The following FARSB variants were observed in gnomAD, a reference collection of about 807,000 sequenced individuals.
FARSB encodes phenylalanyl-tRNA synthetase subunit beta, also known as phenylalanine--tRNA ligase beta subunit.
Under a neutral mutation model 69.6 loss-of-function variants are expected in FARSB, and 40 were observed. The observed-to-expected ratio is 0.57, with a 90% confidence interval of 0.45 to 0.75. The LOEUF (loss-of-function observed/expected upper bound fraction) is 0.75, where lower values mean the gene tolerates loss of function less well. FARSB is among the 30% of genes least tolerant of loss of function. The pLI is 0.00. For synonymous variants in FARSB, 235 were observed against 247.2 expected (o/e 0.95, Z 0.46); for missense variants, 632 against 722.9 (o/e 0.87, Z 1.44).
chr2:222,636,684 T>G (rs766298127), intron 5 of FARSB, among the ~76,000 whole-genome samples: 1 of 152,228 alleles, frequency 6.6e-6, no homozygotes, highest in Non-Finnish European at 1.5e-5. Context: ...CTTGCTATAA[T>G]AGAGCAGCAA....
At position 222,571,215 on chromosome 2, in the gene FARSB, G is replaced by T. The variant is rs1689710212; in HGVS notation, c.*656C>A. ...CTTGTCCATTTTAACTCTTACAGCA[G>T]AACAGATCTTTGTTGCATGTACTCT... On this transcript the variant is annotated 3_prime_UTR_variant, in exon 17 of 17. Coordinates refer to ENST00000281828, the MANE Select transcript of FARSB (RefSeq NM_005687.5). The T allele has an allele frequency of 6.6e-6, 1 of 152,180 alleles. No homozygotes were observed. Among genetic ancestry groups the T allele is most frequent in the Non-Finnish European group, 1.5e-5 (1 of 68,026 alleles). 9.4% of individuals were successfully genotyped at this position (152,180 alleles called of 1,614,324 possible).
intron 16 of FARSB, among the ~76,000 whole-genome samples, chr2:222,594,932 G>A (rs1399135348): frequency 6.6e-6 from 1 of 152,198 alleles, no homozygotes; most frequent in African/African-American, 2.4e-5. Context: ...AACAGTGCCT[G>A]TGTTATACCA....
In FARSB at chr2:222,629,007, C is replaced by T. The variant is rs575404806; in HGVS notation, c.849-119G>A. 129 of 712,132 alleles carry T rather than the reference C, an allele frequency of 1.8e-4. No homozygotes were observed. The African/African-American group carries it at 2.1e-3, about 11-fold the overall frequency. 44.1% of individuals were successfully genotyped at this position (712,132 alleles called of 1,614,324 possible). ...CAACTACAGCCTCAACATACTCCAT[C>T]TATCGCATTCCAGCACTGTTTGGAT... is the stretch of plus-strand genomic sequence containing the variant. On this transcript the variant is annotated intron_variant, in intron 9 of 16. Coordinates refer to ENST00000281828, the MANE Select transcript of FARSB (RefSeq NM_005687.5).
chr2:222,642,553 T>C (rs1691749228), intron 3 of FARSB, among the ~76,000 whole-genome samples: 1 of 152,180 alleles, frequency 6.6e-6, no homozygotes. Flanking sequence ...TCCAATTAGA[T>C]CACGGAGGGG....
rs1463607520 is a variant in FARSB at position 222,624,747 on chromosome 2, C to T, written c.929G>A (p.Arg310Lys). The change falls in exon 11 of 17, where the codon AGA (arginine) becomes AAA (lysine). Residue 310 changes from arginine (R) to lysine (K), a missense_variant. By Grantham distance (26) the Arg-to-Lys change is conservative (BLOSUM62 2). Coordinates refer to ENST00000281828, the MANE Select transcript of FARSB (RefSeq NM_005687.5). ...PELAYRKEMV[R>K]ADLINKKVGI... The stretch of plus-strand genomic sequence containing the variant: ...AACTTTTTTGTTAATTAGGTCAGCT[C>T]TCACCATCTCCTTTCGGTAAGCTAA... 1 of 1,605,488 alleles carries T rather than the reference C, an allele frequency of 6.2e-7. No individual in the cohort carries two copies. The highest frequency in any genetic ancestry group is 8.5e-7 in the Non-Finnish European group (1 of 1,175,080).
chr2:222,616,363 A>G (rs960646627), intron 14 of FARSB, among the ~76,000 whole-genome samples: 1 of 152,172 alleles, frequency 6.6e-6, no homozygotes, highest in African/African-American at 2.4e-5. Context: ...CCTGGCCAAC[A>G]CGGTGAAACC....
rs1414576575 is a variant in FARSB, at chr2:222,570,206, AT to A, written c.*1664del. Among the ~76,000 whole-genome samples, 3 of 152,228 alleles carry A rather than the reference AT, an allele frequency of 2.0e-5. No individual in the cohort carries two copies. The highest frequency in any genetic ancestry group is 4.8e-5 in the African/African-American group (2 of 41,460). On this transcript the variant is annotated 3_prime_UTR_variant, in exon 17 of 17. Transcript: ENST00000281828. ...GGAAATGTTTGCTCAACTCTTGCAC[AT>A]TTTTAAAAAACAGTTGTTTTATTTT...
chr2:222,588,657 CAA>C (rs769177308), intron 16 of FARSB, among the ~76,000 whole-genome samples: 9 of 152,204 alleles, frequency 5.9e-5, no homozygotes, highest in Non-Finnish European at 1.3e-4. Context: ...GCAACTTCAG[CAA>C]AGTCTCAGGA....
intron 15 of FARSB, among the ~76,000 whole-genome samples, chr2:222,609,538 A>C (rs1275741699): frequency 6.6e-6 from 1 of 152,176 alleles, no homozygotes; most frequent in Non-Finnish European, 1.5e-5. Flanking sequence ...GCCCAACAAA[A>C]TGCATAAATC....
intron 2 of FARSB, among the ~76,000 whole-genome samples, chr2:222,646,088 G>A (rs181122096): frequency 9.9e-4 from 151 of 152,274 alleles, no homozygotes; most frequent in Admixed American, 2.5e-3. Flanking sequence ...AATCTTACTA[G>A]GTGTTACTTT....
chr2:222,586,503 C>T (rs1213457878), intron 16 of FARSB, among the ~76,000 whole-genome samples: 2 of 152,156 alleles, frequency 1.3e-5, no homozygotes, highest in Non-Finnish European at 2.9e-5. Flanking sequence ...CAAATTCACA[C>T]ATAATAATAT....
rs781692359 is a variant in FARSB, at chr2:222,624,317, G to A, written c.1125C>T (p.Asn375=). 68 of 1,612,486 alleles carry A rather than the reference G, an allele frequency of 4.2e-5. 1 individual carries two copies. The highest frequency in any genetic ancestry group is 5.7e-5 in the Non-Finnish European group (67 of 1,179,168). The change falls in exon 12 of 17, where the codon AAC becomes AAT. Residue 375 remains asparagine, a synonymous_variant. Transcript: ENST00000281828. ...TTTTCGGGAGAGTCATCTGAATGTT[G>A]TTATATCCATAAGCAATAGCTGCAT... The part of the protein sequence containing the change: ...VEDAAIAYGY[N]NIQMTLPKTY...
At position 222,619,706 on chromosome 2, in the gene FARSB, C is replaced by G; in HGVS notation, c.1283G>C (p.Gly428Ala). ...CSQEDIADKL[G>A]VDISATKAVH... is the part of the protein sequence containing the mutation. ...TGCCTTTGTTGCAGAGATATCCACACCTAGTTTATCAGCAATATCTTCTTG... is the reference window on the plus strand; with the variant it reads ...TGCCTTTGTTGCAGAGATATCCACAGCTAGTTTATCAGCAATATCTTCTTG... The change falls in exon 14 of 17, where the codon GGT becomes GCT. Residue 428 changes from glycine (G) to alanine (A), a missense_variant. By Grantham distance (60) the Gly-to-Ala change is moderately conservative. Coordinates refer to ENST00000281828, the MANE Select transcript of FARSB (RefSeq NM_005687.5). The G allele has an allele frequency of 6.2e-7, 1 of 1,604,830 alleles. No individual in the cohort carries two copies. The highest frequency in any genetic ancestry group is 8.5e-7 in the Non-Finnish European group (1 of 1,172,198).
intron 6 of FARSB, 33 bp downstream of exon 6, chr2:222,634,358 C>G (rs13410038): frequency 6.9e-7 from 1 of 1,443,282 alleles, no homozygotes; most frequent in African/African-American, 1.4e-5. Context: ...ATGATTTTTG[C>G]AAAGCTGCTG....
At chr2:222,619,124 A>C (rs1273566984) in intron 14 of FARSB, among the ~76,000 whole-genome samples, 2 of 151,402 alleles carry the variant, frequency 1.3e-5, no homozygotes, top group African/African-American at 4.9e-5. Context: ...CCTGGGCGAC[A>C]GAGCGAGACT....
chr2:222,570,382 A>AGT lies in FARSB; in HGVS notation c.*1487_*1488dup, dbSNP rs760815886. Among the ~76,000 whole-genome samples, 14 of 152,222 alleles carry AGT rather than the reference A, an allele frequency of 9.2e-5. No homozygotes were observed. The highest frequency in any genetic ancestry group is 1.5e-4 in the Non-Finnish European group (10 of 68,040). On this transcript the variant is annotated 3_prime_UTR_variant, in exon 17 of 17. Coordinates refer to ENST00000281828, the MANE Select transcript of FARSB (RefSeq NM_005687.5). ...ACAGAGCTGTGAAGGGTCAGCTGGA[A>AGT]GTGTGTGTGTTCACAAATCTTACAG...
Position 222,569,202 on chromosome 2 carries a change from C to T in FARSB, c.*2669G>A, listed in dbSNP as rs1689677062. The T allele has an allele frequency of 1.3e-5, 2 of 152,206 alleles. No homozygotes were observed. The highest frequency in any genetic ancestry group is 4.8e-5 in the African/African-American group (2 of 41,452). 9.4% of individuals were successfully genotyped at this position (152,206 alleles called of 1,614,324 possible). ...CATCTACATGATGCATGGAGTTGAT[C>T]TTTCCCCTTTCATGCTGGGATATAC... On this transcript the variant is annotated 3_prime_UTR_variant, in exon 17 of 17. Coordinates refer to ENST00000281828, the MANE Select transcript of FARSB (RefSeq NM_005687.5).
At chr2:222,590,531 A>T in intron 16 of FARSB, among the ~76,000 whole-genome samples, 1 of 143,858 alleles carries the variant, frequency 7.0e-6, no homozygotes, top group African/African-American at 2.6e-5. Flanking sequence ...AAAAAAAGAT[A>T]TCCTACCCTT....
At chr2:222,634,287 T>C in intron 6 of FARSB, 104 bp downstream of exon 6, 4 of 760,922 alleles carry the variant, frequency 5.3e-6, no homozygotes, top group South Asian at 2.4e-5. Flanking sequence ...CAGACACTGC[T>C]ATTTTTTAAA....
Sources: allele counts gnomAD v4.1 joint callset (sites outside exome capture counted in the v4.1 genomes callset), GRCh38; gene constraint gnomAD v4.1.1; transcripts MANE v1.5; gene names NCBI Gene and HGNC (gene_info 2026-07-23, HGNC 2026-07-21).